Variants in MACF1 observed in about 807,000 individuals in gnomAD.
MACF1 encodes microtubule-actin cross-linking factor 1.
A neutral mutation model predicts 854.8 loss-of-function variants in MACF1; 193 were observed. That is an observed-to-expected ratio of 0.23 (90% CI 0.20 to 0.25). The LOEUF is 0.25. MACF1 is among the 10% of genes least tolerant of loss of function. The pLI, the probability that MACF1 is intolerant of heterozygous loss-of-function variation, is 1.00. For missense variants in MACF1, 7,722 were observed against 8,929.1 expected (o/e 0.86, Z 5.45); for synonymous variants, 3,185 against 3,226.7 (o/e 0.99, Z 0.44).
chr1:39,265,458 C>T (rs749900248), intron 6 of MACF1, among the ~76,000 whole-genome samples: 11 of 151,994 alleles, frequency 7.2e-5, no homozygotes, highest in Non-Finnish European at 1.5e-4. Context: ...GGAAAGGTCT[C>T]GTAATCAGAA....
intron 26 of MACF1, among the ~76,000 whole-genome samples, chr1:39,314,569 TCA>T (rs58459573): frequency 0.021 from 1,346 of 65,264 alleles, 21 homozygotes; most frequent in African/African-American, 0.056. Context: ...TCTCTCTCTC[TCA>T]CACACACACA....
chr1:39,338,244 A>G (rs1214914576), intron 38 of MACF1, among the ~76,000 whole-genome samples: 2 of 103,408 alleles, frequency 1.9e-5, no homozygotes, highest in East Asian at 5.1e-4. Flanking sequence ...ACATCAGGAA[A>G]AAGGTTTTTT....
In MACF1 at chr1:39,297,700, C is replaced by T. The variant is rs1645952177; in HGVS notation, c.2436C>T (p.His812=). 1 of 1,614,090 alleles carries T rather than the reference C, an allele frequency of 6.2e-7. No homozygotes were observed. Among genetic ancestry groups the T allele is most frequent in the Non-Finnish European group, 8.5e-7 (1 of 1,180,042 alleles). The change falls in exon 21 of 101, where the codon CAC becomes CAT. Residue 812 remains histidine (H), a synonymous_variant. Transcript: ENST00000564288. ...DSIKRKYSCD[H]NTSLSRLEDL... ...TTAAACGAAAATATTCCTGTGACCA[C>T]AACACCAGCTTATCCCGCCTTGAAG...
intron 26 of MACF1, among the ~76,000 whole-genome samples, chr1:39,311,918 T>A (rs1377187986): frequency 2.0e-5 from 3 of 152,238 alleles, no homozygotes; most frequent in East Asian, 1.9e-4. Context: ...TAACTTTCTA[T>A]TTTTTCCCCC....
intron 6 of MACF1, among the ~76,000 whole-genome samples, chr1:39,277,756 G>A (rs1272015098): frequency 6.6e-6 from 1 of 152,154 alleles, no homozygotes; most frequent in East Asian, 1.9e-4. Flanking sequence ...TGATCTCTTT[G>A]TATAGTAAAT....
chr1:39,485,375 A>G (rs1490438277), intron 100 of MACF1, 163 bp from the exon 101 acceptor site: 2 of 780,366 alleles, frequency 2.6e-6, no homozygotes, highest in Non-Finnish European at 3.9e-6. Context: ...TCACAAAGCC[A>G]GAAAAGGCTT....
chr1:39,198,815 T>A (rs1171426448), intron 2 of MACF1, among the ~76,000 whole-genome samples: 1 of 28,716 alleles, frequency 3.5e-5, no homozygotes, highest in Non-Finnish European at 1.6e-4. Flanking sequence ...AGAGCAAGAC[T>A]CTGTCTCAAG....
At chr1:39,226,655 A>T (rs570980370) in intron 1 of MACF1, among the ~76,000 whole-genome samples, 2 of 152,226 alleles carry the variant, frequency 1.3e-5, no homozygotes, top group South Asian at 4.2e-4. Flanking sequence ...TAGTAAAATT[A>T]AAAAGAATCA....
chr1:39,455,374 C>T (rs1389073450), intron 89 of MACF1, among the ~76,000 whole-genome samples: 1 of 152,138 alleles, frequency 6.6e-6, no homozygotes, highest in African/African-American at 2.4e-5. Flanking sequence ...CTTTTAGGCT[C>T]ACTCAGGATG....
chr1:39,218,182 C>CAAAAA (rs36113375), intron 1 of MACF1, among the ~76,000 whole-genome samples: 19 of 84,436 alleles, frequency 2.3e-4, no homozygotes, highest in Non-Finnish European at 3.0e-4. Context: ...GACTCCGTCT[C>CAAAAA]AAAAAAAAAA....
intron 83 of MACF1, 150 bp from the exon 84 acceptor site, chr1:39,448,444 T>G: frequency 1.5e-6 from 1 of 664,956 alleles, no homozygotes; most frequent in Non-Finnish European, 2.3e-6. Context: ...ATAAATTTCT[T>G]AAGGATAAGC....
chr1:39,086,652 C>T (rs1424571404), intron 2 of MACF1, among the ~76,000 whole-genome samples: 2 of 152,216 alleles, frequency 1.3e-5, no homozygotes, highest in African/African-American at 4.8e-5. Context: ...ATGATTTCCA[C>T]TTCCAGTCTT....
At chr1:39,166,437 TATTTATTTATTTATTCATTC>T (rs962887945) in intron 2 of MACF1, among the ~76,000 whole-genome samples, 63 of 146,852 alleles carry the variant, frequency 4.3e-4, no homozygotes, top group Admixed American at 3.2e-3. Context: ...TTTATTTATT[TATTTATTTATTTATTCATTC>T]ATTCATTCAT....
rs552437362 is a variant in MACF1 at position 39,099,793 on chromosome 1, A to C, written c.220+15355A>C. Among the ~76,000 whole-genome samples, 3 of 152,348 alleles carry C rather than the reference A, an allele frequency of 2.0e-5. No homozygotes were observed. The East Asian group carries it at 5.8e-4, about 29-fold the overall frequency. On this transcript the variant is annotated intron_variant, in intron 2 of 93. Coordinates refer to the MACF1 transcript ENST00000361689. ...TTGTGTTAGGCCCAGTGATGAAGAA[A>C]GATGAAATAGATGTCTTTGCCCTCA...
At chr1:39,143,661 A>G in intron 2 of MACF1, among the ~76,000 whole-genome samples, 1 of 152,084 alleles carries the variant, frequency 6.6e-6, no homozygotes, top group East Asian at 1.9e-4. Context: ...ACATCTTACC[A>G]CTGGGGGAAA....
intron 93 of MACF1, among the ~76,000 whole-genome samples, chr1:39,463,100 C>T (rs894461774): frequency 6.6e-6 from 1 of 152,198 alleles, no homozygotes; most frequent in Non-Finnish European, 1.5e-5. Context: ...CATGCCTTTT[C>T]TCAGTGTCTC....
chr1:39,249,970 T>A, intron 2 of MACF1, 44 bp from the exon 3 acceptor site: 1 of 1,116,494 alleles, frequency 9.0e-7, no homozygotes, highest in African/African-American at 1.5e-5. Flanking sequence ...AGTATAATAA[T>A]TCAATATCAA....
intron 58 of MACF1, among the ~76,000 whole-genome samples, chr1:39,398,682 T>C (rs950646103): frequency 1.3e-5 from 2 of 152,146 alleles, no homozygotes; most frequent in African/African-American, 4.8e-5. Flanking sequence ...TTTAAGAAAA[T>C]TAGTTAAGAA....
chr1:39,150,402 A>G (rs1473558986), intron 2 of MACF1, among the ~76,000 whole-genome samples: 1 of 152,240 alleles, frequency 6.6e-6, no homozygotes, highest in African/African-American at 2.4e-5. Flanking sequence ...AAGTAAATGG[A>G]ATCTGCTTAA....
Sources: gnomAD v4.1 joint callset for allele counts (sites outside exome capture counted in the v4.1 genomes callset) on GRCh38, gnomAD v4.1.1 for gene constraint, MANE v1.5 for transcripts, NCBI Gene and HGNC (gene_info 2026-07-23, HGNC 2026-07-21) for gene names.